PCDH15: variants seen among roughly 807,000 people sequenced by gnomAD.
PCDH15 encodes protocadherin related 15.
Under a neutral mutation model 178.5 loss-of-function variants are expected in PCDH15, and 129 were observed. That is an observed-to-expected ratio of 0.72 (90% CI 0.63 to 0.84). The LOEUF (loss-of-function observed/expected upper bound fraction) is 0.84, where lower values mean the gene tolerates loss of function less well. PCDH15 is among the 40% of genes least tolerant of loss of function. The pLI is 0.00. For synonymous variants in PCDH15, 800 were observed against 732.0 expected (o/e 1.09, Z -1.50); for missense variants, 2,230 against 2,099.9 (o/e 1.06, Z -1.21).
chr10:54,545,569 G>A (rs1200358687), intron 2 of PCDH15, among the ~76,000 whole-genome samples: 1 of 151,736 alleles, frequency 6.6e-6, no homozygotes, highest in Non-Finnish European at 1.5e-5. Context: ...CAAGGAAGGA[G>A]GGAAGGAAGG....
At chr10:54,427,881 T>A (rs137861555) in intron 3 of PCDH15, among the ~76,000 whole-genome samples, 136 of 152,288 alleles carry the variant, frequency 8.9e-4, no homozygotes, top group African/African-American at 3.2e-3. Context: ...TAGCTACAAT[T>A]GCTCAGTATT....
At chr10:55,201,486 T>A (rs1277231314) in intron 1 of PCDH15, among the ~76,000 whole-genome samples, 11 of 152,204 alleles carry the variant, frequency 7.2e-5, no homozygotes, top group Admixed American at 3.9e-4. Flanking sequence ...TGCATCATTA[T>A]TGTCATTTAC....
rs577256444 is a variant in PCDH15, at chr10:54,945,384, G to A, written c.-79-47884C>T. ...AGATATATAGATAGATAGATAGATA[G>A]ATAGATAGATATAAAAACAAGACTC... On this transcript the variant is annotated intron_variant, in intron 2 of 5. Coordinates refer to the PCDH15 transcript ENST00000458638. Among the ~76,000 whole-genome samples, 34 of 151,330 alleles carry A rather than the reference G, an allele frequency of 2.2e-4. No homozygotes were observed. The South Asian group carries it at 6.0e-3, about 27-fold the overall frequency.
At chr10:55,090,351 A>G (rs895761031) in intron 2 of PCDH15, among the ~76,000 whole-genome samples, 1 of 147,770 alleles carries the variant, frequency 6.8e-6, no homozygotes, top group African/African-American at 2.6e-5. Flanking sequence ...AATAATAGTT[A>G]TATATTTTCG....
intron 2 of PCDH15, among the ~76,000 whole-genome samples, chr10:55,498,649 G>A (rs544761602): frequency 6.6e-6 from 1 of 151,922 alleles, no homozygotes; most frequent in South Asian, 2.1e-4. Flanking sequence ...TACTATATAA[G>A]TAGCAGCTAT....
intron 5 of PCDH15, among the ~76,000 whole-genome samples, chr10:54,349,843 A>G (rs1451923063): frequency 6.6e-6 from 1 of 152,202 alleles, no homozygotes; most frequent in African/African-American, 2.4e-5. Flanking sequence ...TAATCCAAAG[A>G]GTAATTCAAT....
At chr10:54,057,126 T>A (rs185670514) in intron 18 of PCDH15, among the ~76,000 whole-genome samples, 1 of 152,324 alleles carries the variant, frequency 6.6e-6, no homozygotes, top group Non-Finnish European at 1.5e-5. Context: ...TGGGCTGGTG[T>A]TGAGTGTCTG....
intron 3 of PCDH15, among the ~76,000 whole-genome samples, chr10:54,883,670 T>C (rs1216983845): frequency 2.0e-5 from 3 of 151,968 alleles, no homozygotes; most frequent in Non-Finnish European, 4.4e-5. Flanking sequence ...GCTATCAAAC[T>C]TCATTACACT....
chr10:53,911,532 A>C (rs995067923), intron 25 of PCDH15, among the ~76,000 whole-genome samples: 1 of 152,188 alleles, frequency 6.6e-6, no homozygotes, highest in Admixed American at 6.5e-5. Flanking sequence ...TGACACCCTA[A>C]CATCACAATT....
At chr10:53,975,330 C>A (rs983808388) in intron 21 of PCDH15, among the ~76,000 whole-genome samples, 1 of 152,084 alleles carries the variant, frequency 6.6e-6, no homozygotes, top group African/African-American at 2.4e-5. Context: ...AATGATGATT[C>A]CATTTTAGGT....
chr10:54,537,096 T>C (rs1360500721), intron 2 of PCDH15, among the ~76,000 whole-genome samples: 2 of 143,660 alleles, frequency 1.4e-5, no homozygotes, highest in Non-Finnish European at 3.0e-5. Context: ...CCTCCCAGGT[T>C]CACGCCAGTC....
At position 53,831,391 on chromosome 10, in the gene PCDH15, C is replaced by A; in HGVS notation, c.4126G>T (p.Ala1376Ser). The change falls in exon 30 of 38, where the codon GCC (alanine) becomes TCC (serine). Residue 1376 changes from alanine to serine, a missense_variant. Ala to Ser is a moderately conservative substitution (Grantham distance 99). Coordinates refer to ENST00000644397, the MANE Select transcript of PCDH15 (RefSeq NM_001384140.1). ...ATGATGAAGGCCAGAGCCAACAAGG[C>A]CCCTTCTGTGTATCCTAGACTTTCT... is the stretch of plus-strand genomic sequence containing the variant. ...RGESLGYTEG[A>S]LLALAFIIIL... 1 of 1,614,102 alleles carries A rather than the reference C, an allele frequency of 6.2e-7. No individual in the cohort carries two copies. Among genetic ancestry groups the A allele is most frequent in the Non-Finnish European group, 8.5e-7 (1 of 1,180,026 alleles).
chr10:54,878,216 C>T (rs896604271), intron 3 of PCDH15, among the ~76,000 whole-genome samples: 2 of 151,922 alleles, frequency 1.3e-5, no homozygotes, highest in African/African-American at 2.4e-5. Context: ...ACCTGCCTCG[C>T]CCTCCCAAAG....
At chr10:55,527,299 C>T (rs1234371229) in intron 2 of PCDH15, among the ~76,000 whole-genome samples, 1 of 152,020 alleles carries the variant, frequency 6.6e-6, no homozygotes, top group African/African-American at 2.4e-5. Flanking sequence ...AGAATGGTTC[C>T]TTCTGAAGGC....
intron 3 of PCDH15, among the ~76,000 whole-genome samples, chr10:54,865,129 C>T (rs1183311409): frequency 6.6e-6 from 1 of 152,022 alleles, no homozygotes; most frequent in Non-Finnish European, 1.5e-5. Flanking sequence ...GAGGGTGTTG[C>T]CATAGGAGAT....
chr10:54,231,570 C>T (rs1162778040), intron 9 of PCDH15, among the ~76,000 whole-genome samples: 3 of 152,124 alleles, frequency 2.0e-5, no homozygotes, highest in African/African-American at 4.8e-5. Flanking sequence ...TTCTCCAGAC[C>T]CCAGAATGGT....
rs184428880 is a variant in PCDH15, at chr10:53,965,940, T to C, written c.2869-4048A>G. ...AAGAAAACATGCTGGTATTATGGAA[T>C]GTTATCTCTCAGATGCCTAAAATAG... On this transcript the variant is annotated intron_variant, in intron 21 of 37. Coordinates refer to ENST00000644397, the MANE Select transcript of PCDH15 (RefSeq NM_001384140.1). 2.8e-3 allele frequency among the ~76,000 whole-genome samples: 432 copies of C among 152,244 alleles called. 3 individuals carry two copies. Among genetic ancestry groups the C allele is most frequent in the African/African-American group, 9.7e-3 (404 of 41,540 alleles).
chr10:54,861,893 T>A (rs1051977893), intron 3 of PCDH15, among the ~76,000 whole-genome samples: 5 of 152,200 alleles, frequency 3.3e-5, no homozygotes, highest in African/African-American at 1.2e-4. Flanking sequence ...AATGACATTT[T>A]AGTGTGCATC....
intron 37 of PCDH15, chr10:53,809,649 T>A: frequency 9.2e-7 from 1 of 1,081,380 alleles, no homozygotes; most frequent in Non-Finnish European, 1.3e-6. Context: ...GGTGATAGCT[T>A]CATGCATGTT....
Sources: allele counts gnomAD v4.1 joint callset (sites outside exome capture counted in the v4.1 genomes callset), GRCh38; gene constraint gnomAD v4.1.1; transcripts MANE v1.5; gene names NCBI Gene and HGNC (gene_info 2026-07-23, HGNC 2026-07-21).